The following FRMD4A variants were observed in gnomAD, a reference collection of about 807,000 sequenced individuals.
FRMD4A encodes FERM domain-containing protein 4A.
FRMD4A carries 29 observed loss-of-function variants against 129.1 expected under a neutral mutation model. The ratio of observed to expected loss-of-function variants is 0.22; its 90% CI spans 0.17 to 0.31. The LOEUF is 0.31. Among genes scored for constraint, FRMD4A ranks in the 10% least tolerant of loss-of-function variants. The pLI is 1.00. For missense variants in FRMD4A, 1,272 were observed against 1,375.8 expected, an observed-to-expected ratio of 0.92 and a Z score of 1.19; for synonymous variants, 634 against 571.6, an observed-to-expected ratio of 1.11 and a Z score of -1.56.
intron 14 of FRMD4A, among the ~76,000 whole-genome samples, chr10:13,697,798 C>A (rs1172130472): frequency 2.0e-5 from 3 of 152,222 alleles, no homozygotes; most frequent in African/African-American, 7.2e-5. Context: ...AGTCCCCACT[C>A]TGAGTTCAGA....
At chr10:14,199,367 G>A (rs1159819245) in intron 2 of FRMD4A, among the ~76,000 whole-genome samples, 5 of 151,080 alleles carry the variant, frequency 3.3e-5, no homozygotes, top group Non-Finnish European at 7.4e-5. Context: ...ACCCAGGCTG[G>A]AGTGCAGTGG....
Position 14,051,198 on chromosome 10 carries a change from T to C in FRMD4A, c.46-192286A>G, listed in dbSNP as rs539794760. ...TTTCGATGCTCTCTTTCTCTGTGCT[T>C]TAACTGATTTTTTATCTTTTCCACC... is the stretch of plus-strand genomic sequence containing the variant. On this transcript the variant is annotated intron_variant, in intron 2 of 24. Coordinates refer to ENST00000357447, the MANE Select transcript of FRMD4A (RefSeq NM_018027.5). 3.9e-5 allele frequency among the ~76,000 whole-genome samples: 6 copies of C among 152,336 alleles called. No homozygotes were observed. The South Asian group carries it at 1.2e-3, about 32-fold the overall frequency.
At chr10:13,660,208 C>CTAGG (rs1472795065) in intron 20 of FRMD4A, 108 bp downstream of exon 20, 1 of 736,748 alleles carries the variant, frequency 1.4e-6, no homozygotes, top group African/African-American at 1.7e-5. Flanking sequence ...CGGGGAGGAA[C>CTAGG]TAGGTTGATG....
At chr10:13,971,742 G>T in intron 2 of FRMD4A, 1 of 1,304,364 alleles carries the variant, frequency 7.7e-7, no homozygotes, top group Non-Finnish European at 1.0e-6. Flanking sequence ...CTCAGCGCCC[G>T]ACAAGTCAGG....
intron 2 of FRMD4A, among the ~76,000 whole-genome samples, chr10:14,089,557 T>G (rs1836510788): frequency 7.0e-6 from 1 of 143,064 alleles, no homozygotes. Context: ...ATTATCTCAT[T>G]AGGGGCTTGG....
chr10:14,012,177 C>T (rs1292716359), intron 2 of FRMD4A, among the ~76,000 whole-genome samples: 1 of 151,362 alleles, frequency 6.6e-6, no homozygotes, highest in Admixed American at 6.6e-5. Context: ...GGGAAAGATG[C>T]CTCAGGGATG....
At chr10:14,017,987 GA>G (rs755615723) in intron 2 of FRMD4A, among the ~76,000 whole-genome samples, 1 of 152,176 alleles carries the variant, frequency 6.6e-6, no homozygotes, top group South Asian at 2.1e-4. Flanking sequence ...CAAATCCTTA[GA>G]GGTAGATGAG....
intron 2 of FRMD4A, among the ~76,000 whole-genome samples, chr10:14,328,176 A>G (rs1843354356): frequency 6.6e-6 from 1 of 152,058 alleles, no homozygotes; most frequent in Non-Finnish European, 1.5e-5. Context: ...GGGTGTCAAG[A>G]GCTCTTTCCC....
intron 2 of FRMD4A, among the ~76,000 whole-genome samples, chr10:14,229,370 T>A (rs917644737): frequency 6.6e-6 from 1 of 152,236 alleles, no homozygotes; most frequent in Non-Finnish European, 1.5e-5. Context: ...TCATTTAAAC[T>A]TGTGCTACTC....
At chr10:13,681,243 C>T (rs776012078) in intron 15 of FRMD4A, among the ~76,000 whole-genome samples, 2 of 152,200 alleles carry the variant, frequency 1.3e-5, no homozygotes, top group Non-Finnish European at 2.9e-5. Flanking sequence ...TACAGCCTCT[C>T]CCGGGCTGGA....
chr10:14,086,907 G>A (rs1346223446), intron 2 of FRMD4A, among the ~76,000 whole-genome samples: 1 of 152,142 alleles, frequency 6.6e-6, no homozygotes, highest in Non-Finnish European at 1.5e-5. Context: ...TGATTTTGAG[G>A]GGGATGTCTT....
At chr10:13,698,316 G>C (rs1354472031) in intron 14 of FRMD4A, among the ~76,000 whole-genome samples, 3 of 152,138 alleles carry the variant, frequency 2.0e-5, no homozygotes. Flanking sequence ...GAAAGGAATG[G>C]TTGGCATGTC....
chr10:14,060,225 A>T (rs986052043), intron 2 of FRMD4A, among the ~76,000 whole-genome samples: 3 of 152,234 alleles, frequency 2.0e-5, no homozygotes, highest in East Asian at 1.9e-4. Context: ...CATAAGAAGG[A>T]TAAAGATAGA....
chr10:13,787,539 C>T (rs916490194), intron 5 of FRMD4A, among the ~76,000 whole-genome samples: 1 of 152,088 alleles, frequency 6.6e-6, no homozygotes, highest in Non-Finnish European at 1.5e-5. Flanking sequence ...CAGTTCACTG[C>T]AGCCTCGACC....
At chr10:14,156,625 C>T (rs1589094406) in intron 2 of FRMD4A, among the ~76,000 whole-genome samples, 1 of 152,106 alleles carries the variant, frequency 6.6e-6, no homozygotes, top group African/African-American at 2.4e-5. Flanking sequence ...AGTTCTTAAG[C>T]TACAAAGAGA....
At chr10:13,919,769 C>G (rs555501869) in intron 2 of FRMD4A, among the ~76,000 whole-genome samples, 24 of 152,102 alleles carry the variant, frequency 1.6e-4, no homozygotes, top group African/African-American at 5.8e-4. Flanking sequence ...GAAACCCTGT[C>G]CTTACTAAAA....
intron 2 of FRMD4A, among the ~76,000 whole-genome samples, chr10:14,191,783 C>T (rs1240737403): frequency 7.5e-6 from 1 of 133,346 alleles, no homozygotes; most frequent in Non-Finnish European, 1.6e-5. Flanking sequence ...GAGTTTTCAG[C>T]TCAACTGGCT....
At chr10:13,842,670 T>C (rs1185804725) in intron 3 of FRMD4A, among the ~76,000 whole-genome samples, 1 of 152,228 alleles carries the variant, frequency 6.6e-6, no homozygotes, top group African/African-American at 2.4e-5. Context: ...ATATTTTCTG[T>C]TGGTCAGCGG....
rs1491315574 is a variant in FRMD4A, at chr10:14,261,986, A to ACACACACACACC, written c.45+68071_45+68072insGGTGTGTGTGTG. Among the ~76,000 whole-genome samples, 22 of 139,090 alleles carry ACACACACACACC rather than the reference A, an allele frequency of 1.6e-4. 1 individual carries two copies. Among genetic ancestry groups the ACACACACACACC allele is most frequent in the Non-Finnish European group, 2.7e-4 (17 of 63,724 alleles). The allele number at this position is 139,090 out of a possible 152,430, so 91.2% of individuals were successfully genotyped here. A position where few individuals can be genotyped will look rare whatever the true frequency, so the allele number is the denominator to read the frequency against. ...CACACACACACACACACACACACAC[A>ACACACACACACC]CCTCATTTTCCCTAGTTCCCCTCTC... On this transcript the variant is annotated intron_variant, in intron 2 of 24. Transcript: ENST00000357447.
Sources: gnomAD v4.1 joint callset for allele counts (sites outside exome capture counted in the v4.1 genomes callset) on GRCh38, gnomAD v4.1.1 for gene constraint, MANE v1.5 for transcripts, NCBI Gene and HGNC (gene_info 2026-07-23, HGNC 2026-07-21) for gene names.